DPP6: variants seen among roughly 807,000 people sequenced by gnomAD.
DPP6 encodes A-type potassium channel modulatory protein DPP6.
DPP6 carries 69 observed loss-of-function variants against 122.6 expected under a neutral mutation model. The ratio of observed to expected loss-of-function variants is 0.56; its 90% CI spans 0.46 to 0.69. The LOEUF (loss-of-function observed/expected upper bound fraction) is 0.69. DPP6 is among the 30% of genes least tolerant of loss of function. DPP6 has a pLI of 0.00. For synonymous variants in DPP6, 418 were observed against 433.1 expected (o/e 0.97, Z 0.43); for missense variants, 928 against 1,116.9 (o/e 0.83, Z 2.41).
the DPP6 span, among the ~76,000 whole-genome samples, chr7:153,826,440 C>T: frequency 6.6e-6 from 1 of 152,120 alleles, no homozygotes; most frequent in Non-Finnish European, 1.5e-5. Flanking sequence ...TCATTGTATC[C>T]ATTGAAGAAT....
intron 1 of DPP6, among the ~76,000 whole-genome samples, chr7:154,165,475 ATG>A (rs1241753478): frequency 1.3e-5 from 2 of 150,636 alleles, no homozygotes; most frequent in East Asian, 1.9e-4. Flanking sequence ...ATACGTGTGC[ATG>A]TGTCTTTATA....
the DPP6 span, among the ~76,000 whole-genome samples, chr7:153,769,368 A>G: frequency 6.6e-6 from 1 of 152,210 alleles, no homozygotes. Context: ...ACCTCACACA[A>G]TCTTGGTCAG....
intron 2 of DPP6, among the ~76,000 whole-genome samples, chr7:154,465,831 A>G (rs1483857256): frequency 1.3e-5 from 2 of 152,234 alleles, no homozygotes; most frequent in Non-Finnish European, 2.9e-5. Flanking sequence ...TAGAAATACC[A>G]TTTGACCCAG....
chr7:154,695,513 T>C (rs73730237), intron 7 of DPP6, among the ~76,000 whole-genome samples: 1 of 152,192 alleles, frequency 6.6e-6, no homozygotes, highest in Non-Finnish European at 1.5e-5. Flanking sequence ...GAGAATTGTA[T>C]GAAATGATTG....
upstream of DPP6, among the ~76,000 whole-genome samples, chr7:154,051,108 C>T (rs1800284546): frequency 8.1e-6 from 1 of 122,780 alleles, no homozygotes; most frequent in Non-Finnish European, 1.8e-5. Context: ...TTGTGAGTGG[C>T]AGCCGAGGCT....
At chr7:153,965,206 G>T (rs17837514) in intron 1 of DPP6, among the ~76,000 whole-genome samples, 13,456 of 151,422 alleles carry the variant, frequency 0.089, 1,326 homozygotes, top group African/African-American at 0.24. Flanking sequence ...TGAAATAATC[G>T]AGAGCATATG....
intron 8 of DPP6, among the ~76,000 whole-genome samples, chr7:154,768,223 C>T (rs1454035680): frequency 6.6e-6 from 1 of 152,240 alleles, no homozygotes; most frequent in Non-Finnish European, 1.5e-5. Flanking sequence ...CCTGGTGCCT[C>T]CCGCAGAACC....
At chr7:154,637,719 T>C in intron 5 of DPP6, 102 bp from the exon 6 acceptor site, 1 of 1,239,412 alleles carries the variant, frequency 8.1e-7, no homozygotes, top group Non-Finnish European at 1.1e-6. Flanking sequence ...ATTAGCTGCT[T>C]TTGGTTCACT....
the DPP6 span, among the ~76,000 whole-genome samples, chr7:153,778,654 T>C: frequency 6.6e-6 from 1 of 152,080 alleles, no homozygotes; most frequent in Middle Eastern, 3.4e-3. Flanking sequence ...TTGTGCTCTT[T>C]TGTTACCAAT....
chr7:154,816,963 G>A (rs753399777), intron 16 of DPP6, among the ~76,000 whole-genome samples: 2 of 152,208 alleles, frequency 1.3e-5, no homozygotes, highest in Non-Finnish European at 2.9e-5. Flanking sequence ...CCTGGCAGAA[G>A]TTAAGAAGTA....
At chr7:154,274,785 T>C (rs1804019649) in intron 1 of DPP6, among the ~76,000 whole-genome samples, 1 of 152,246 alleles carries the variant, frequency 6.6e-6, no homozygotes, top group Non-Finnish European at 1.5e-5. Context: ...GTCATGAGTA[T>C]AATTTTAGAC....
chr7:154,806,451 T>C (rs915365575), intron 15 of DPP6, among the ~76,000 whole-genome samples: 2 of 152,126 alleles, frequency 1.3e-5, no homozygotes, highest in Non-Finnish European at 2.9e-5. Flanking sequence ...CTCCGTTGAG[T>C]GGGAAGCGCG....
At chr7:154,720,284 G>C (rs1841731340) in intron 7 of DPP6, among the ~76,000 whole-genome samples, 1 of 152,194 alleles carries the variant, frequency 6.6e-6, no homozygotes, top group Non-Finnish European at 1.5e-5. Context: ...CGCCAGGGCA[G>C]GGCAGCATGG....
At chr7:154,870,008 C>A (rs1238988045) in intron 18 of DPP6, among the ~76,000 whole-genome samples, 1 of 151,914 alleles carries the variant, frequency 6.6e-6, no homozygotes, top group Non-Finnish European at 1.5e-5. Context: ...GAGACAGAGT[C>A]TCACTCTGTC....
At chr7:154,212,690 C>T (rs1294879875) in intron 1 of DPP6, among the ~76,000 whole-genome samples, 1 of 152,190 alleles carries the variant, frequency 6.6e-6, no homozygotes, top group African/African-American at 2.4e-5. Flanking sequence ...TTATGGAAAC[C>T]ATCAATTGTT....
intron 3 of DPP6, among the ~76,000 whole-genome samples, chr7:154,508,539 TCA>T (rs140410100): frequency 2.6e-5 from 4 of 152,272 alleles, no homozygotes; most frequent in Non-Finnish European, 4.4e-5. Context: ...TCCCATTAAT[TCA>T]CAGTCAGTCA....
At chr7:154,432,555 G>A (rs941808188) in intron 1 of DPP6, among the ~76,000 whole-genome samples, 2 of 152,116 alleles carry the variant, frequency 1.3e-5, no homozygotes, top group African/African-American at 2.4e-5. Flanking sequence ...CTTCTCCATC[G>A]GGACCGAAAC....
rs188237255 is a variant in DPP6, at chr7:154,102,293, G to A, written c.243+49230G>A. Among the ~76,000 whole-genome samples, 715 of 152,182 alleles carry A rather than the reference G, an allele frequency of 4.7e-3. 7 individuals carry two copies. The highest frequency in any genetic ancestry group is 0.016 in the African/African-American group (679 of 41,534). ...CAACCTTTGCCTCCTGGGTTCAAGC[G>A]ATTCTCCCGCCTCAGCCTCCTGAGT... On this transcript the variant is annotated intron_variant, in intron 1 of 25. Transcript: ENST00000377770.
In DPP6 at chr7:154,794,157, G is replaced by GTCCATCCTCACCC. The variant is rs1797861807; in HGVS notation, c.1218_1230dup (p.Cys411HisfsTer19). The GTCCATCCTCACCC allele has an allele frequency of 6.2e-7, 1 of 1,612,840 alleles. No individual in the cohort carries two copies. Among genetic ancestry groups the GTCCATCCTCACCC allele is most frequent in the Admixed American group, 1.7e-5 (1 of 59,894 alleles). On this transcript the variant is annotated frameshift_variant, in exon 11 of 26. Coordinates refer to ENST00000377770, the MANE Select transcript of DPP6 (RefSeq NM_130797.4). LOFTEE classifies it high-confidence loss of function. ...CCTGGCTGAACCGGGCGCAGAACGT[G>GTCCATCCTCACCC]TCCATCCTCACCCTCTGCGACGCCA...
Sources: allele counts gnomAD v4.1 joint callset (sites outside exome capture counted in the v4.1 genomes callset), GRCh38; gene constraint gnomAD v4.1.1; transcripts MANE v1.5; gene names NCBI Gene and HGNC (gene_info 2026-07-23, HGNC 2026-07-21).